The following WASL variants were observed in gnomAD, a reference collection of about 807,000 sequenced individuals.
WASL encodes the protein WASP like actin nucleation promoting factor.
A neutral mutation model predicts 55.5 loss-of-function variants in WASL; 20 were observed. The observed-to-expected ratio is 0.36, with a 90% CI of 0.25 to 0.52. WASL has a LOEUF of 0.52. Among genes scored for constraint, WASL ranks in the 20% least tolerant of loss-of-function variants. WASL has a pLI of 0.92. For missense variants in WASL, 504 were observed against 622.5 expected (o/e 0.81, Z 2.03); for synonymous variants, 249 against 217.6 (o/e 1.14, Z -1.27).
intron 7 of WASL, 40 bp from the exon 8 acceptor site, chr7:123,694,908 C>A (rs1803468018): frequency 6.4e-6 from 10 of 1,563,246 alleles, no homozygotes; most frequent in Non-Finnish European, 8.6e-6. Flanking sequence ...AAATATATCC[C>A]AATTTAAAAA....
chr7:123,682,014 T>C lies in WASL; in HGVS notation c.*2505A>G, dbSNP rs1272967303. On this transcript the variant is annotated 3_prime_UTR_variant, in exon 11 of 11. Transcript: ENST00000223023. ...CACCAGTGCAACATCCTATTCACTA[T>C]ACATTTCAAAAAAAGAATTCACATA... The C allele has an allele frequency of 6.6e-6, 1 of 152,168 alleles. No individual in the cohort carries two copies. The highest frequency in any genetic ancestry group is 2.4e-5 in the African/African-American group (1 of 41,444). The allele number at this position is 152,168 out of a possible 1,614,324, so 9.4% of individuals were successfully genotyped here.
intron 1 of WASL, among the ~76,000 whole-genome samples, chr7:123,724,360 G>A (rs1042855672): frequency 5.3e-5 from 8 of 152,152 alleles, no homozygotes; most frequent in Non-Finnish European, 8.8e-5. Flanking sequence ...GAAACATAAT[G>A]TTGAAAACTT....
intron 1 of WASL, among the ~76,000 whole-genome samples, chr7:123,724,372 T>C (rs6957773): frequency 0.012 from 1,790 of 152,310 alleles, 33 homozygotes; most frequent in African/African-American, 0.04. Flanking sequence ...TGAAAACTTT[T>C]CAAACTCCAT....
intron 1 of WASL, among the ~76,000 whole-genome samples, chr7:123,717,197 A>C (rs1411078904): frequency 6.6e-6 from 1 of 152,160 alleles, no homozygotes; most frequent in Non-Finnish European, 1.5e-5. Flanking sequence ...ATGAGAAAAA[A>C]AAACATGTTT....
intron 1 of WASL, among the ~76,000 whole-genome samples, chr7:123,730,430 T>C (rs995531990): frequency 6.6e-6 from 1 of 152,040 alleles, no homozygotes; most frequent in Admixed American, 6.6e-5. Flanking sequence ...AGGAAGAAAA[T>C]GGGAATATTG....
chr7:123,746,082 C>T (rs1323948136), intron 1 of WASL, among the ~76,000 whole-genome samples: 1 of 152,134 alleles, frequency 6.6e-6, no homozygotes, highest in African/African-American at 2.4e-5. Flanking sequence ...GAAACTTGTC[C>T]AAAGTGACCC....
At chr7:123,748,000 GA>G (rs1804465520) in intron 1 of WASL, among the ~76,000 whole-genome samples, 1 of 152,070 alleles carries the variant, frequency 6.6e-6, no homozygotes, top group South Asian at 2.1e-4. Flanking sequence ...AAATCAGTGG[GA>G]AGGAGAGTAG....
Position 123,748,812 on chromosome 7 carries a change from C to G in WASL, c.-78G>C. 2 of 1,254,212 alleles carry G rather than the reference C, an allele frequency of 1.6e-6. No individual in the cohort carries two copies. The highest frequency in any genetic ancestry group is 2.2e-6 in the Non-Finnish European group (2 of 928,168). 77.7% of individuals were successfully genotyped at this position (1,254,212 alleles called of 1,614,324 possible). ...GAGAGCTCGTTCCCCCTCTCGGTGA[C>G]AGGGGCGGGGAGAAGTGGAGTCAGA... On this transcript the variant is annotated 5_prime_UTR_variant, in exon 1 of 11. Transcript: ENST00000223023.
At chr7:123,743,835 T>C (rs10253990) in intron 1 of WASL, among the ~76,000 whole-genome samples, 2 of 152,206 alleles carry the variant, frequency 1.3e-5, no homozygotes, top group East Asian at 1.9e-4. Flanking sequence ...ATTATATATA[T>C]AGAGCTAAGA....
At position 123,692,490 on chromosome 7, in the gene WASL, T is replaced by C. The variant is rs781432286; in HGVS notation, c.1204A>G (p.Thr402Ala). Residue 402 changes from threonine to alanine, a missense_variant, in exon 9 of 11, where the codon ACT becomes GCT. This residue lies in a region of WASL where 201 missense variants were observed against 206.2 expected (regional missense o/e 0.97). Transcript: ENST00000223023. ...PSDGDHQVPT[T>A]AGNKAALLDQ... ...AAAAGAGCTGCTTTGTTTCCTGCAG[T>C]AGTTGGAACCTGATGGTCCCCATCA... 14 of 1,613,968 alleles carry C rather than the reference T, an allele frequency of 8.7e-6. No individual in the cohort carries two copies. Among genetic ancestry groups the C allele is most frequent in the Non-Finnish European group, 1.2e-5 (14 of 1,179,990 alleles).
Position 123,693,753 on chromosome 7 carries a change from G to A in WASL, c.827-886C>T, listed in dbSNP as rs143821241. Reference sequence around the variant, plus strand: ...GGCCAAAGCGGGAGGATCACTTGAGGCCAAGAGTTTGAGACCAACCTGGCT... The same window carrying A: ...GGCCAAAGCGGGAGGATCACTTGAGACCAAGAGTTTGAGACCAACCTGGCT... On this transcript the variant is annotated intron_variant, in intron 8 of 10. Coordinates refer to ENST00000223023, the MANE Select transcript of WASL (RefSeq NM_003941.4). 1.9e-3 allele frequency among the ~76,000 whole-genome samples: 287 copies of A among 152,258 alleles called. 1 individual carries two copies. The highest frequency in any genetic ancestry group is 6.4e-3 in the African/African-American group (267 of 41,548).
Position 123,706,745 on chromosome 7 carries a change from C to A in WASL, c.334G>T (p.Gly112Ter). ...SPRGYFHTFA[G>*]DTCQVALNFA... ...TAAAGAAAAATATGACTTACATCTC[C>A]AGCAAAGGTATGAAAATATCCTCTA... The change falls in exon 3 of 11, where the codon GGA (glycine) becomes TGA (stop). Residue 112 changes from glycine to a stop codon, truncating the protein, a stop_gained. Coordinates refer to ENST00000223023, the MANE Select transcript of WASL (RefSeq NM_003941.4). LOFTEE classifies it high-confidence loss of function. The A allele has an allele frequency of 6.4e-7, 1 of 1,564,020 alleles. No homozygotes were observed. Among genetic ancestry groups the A allele is most frequent in the Admixed American group, 2.1e-5 (1 of 48,480 alleles).
At chr7:123,699,029 T>C (rs1438118652) in intron 5 of WASL, among the ~76,000 whole-genome samples, 1 of 152,194 alleles carries the variant, frequency 6.6e-6, no homozygotes, top group East Asian at 1.9e-4. Context: ...CAAATTACTT[T>C]GTTTCTTATC....
chr7:123,718,431 T>C (rs1221681233), intron 1 of WASL, among the ~76,000 whole-genome samples: 1 of 152,204 alleles, frequency 6.6e-6, no homozygotes, highest in South Asian at 2.1e-4. Context: ...ATAGTGATCT[T>C]ATCCATTTAA....
intron 1 of WASL, among the ~76,000 whole-genome samples, chr7:123,741,722 T>C (rs1488348290): frequency 6.6e-6 from 1 of 152,194 alleles, no homozygotes; most frequent in Admixed American, 6.5e-5. Context: ...AGCATGCATT[T>C]CCTTAGGAAA....
chr7:123,684,623 A>AT (rs1305833676), intron 10 of WASL, 43 bp from the exon 11 acceptor site: 8 of 1,483,532 alleles, frequency 5.4e-6, no homozygotes, highest in Non-Finnish European at 7.2e-6. Flanking sequence ...CATAAATAAA[A>AT]TGACATTACA....
intron 1 of WASL, among the ~76,000 whole-genome samples, chr7:123,731,335 G>A (rs1456957297): frequency 6.6e-6 from 1 of 151,990 alleles, no homozygotes; most frequent in East Asian, 1.9e-4. Context: ...ATAACTACAA[G>A]GACAAATATA....
intron 8 of WASL, among the ~76,000 whole-genome samples, chr7:123,693,880 C>G (rs571606296): frequency 5.9e-5 from 9 of 152,252 alleles, no homozygotes; most frequent in African/African-American, 1.9e-4. Context: ...GCATGAGAAT[C>G]CTTTACATCT....
At chr7:123,739,876 A>ATGTGTGTGTG (rs745649691) in intron 1 of WASL, among the ~76,000 whole-genome samples, 4 of 115,530 alleles carry the variant, frequency 3.5e-5, no homozygotes, top group African/African-American at 1.3e-4. Context: ...ACATTTATAT[A>ATGTGTGTGTG]TGTGTGTGTG....
Sources: gnomAD v4.1 joint callset for allele counts (sites outside exome capture counted in the v4.1 genomes callset) on GRCh38, gnomAD v4.1.1 for gene constraint, gnomAD v4.1.1 regional missense constraint, MANE v1.5 for transcripts, NCBI Gene and HGNC (gene_info 2026-07-23, HGNC 2026-07-21) for gene names.